Variants in ZRANB3 observed in about 807,000 individuals in gnomAD.
The protein encoded by ZRANB3 is DNA annealing helicase and endonuclease ZRANB3.
A neutral mutation model predicts 133.8 loss-of-function variants in ZRANB3; 125 were observed. The observed-to-expected ratio is 0.93, with a 90% CI of 0.81 to 1.08. ZRANB3 has a LOEUF of 1.08. Ranked by LOEUF, ZRANB3 falls within the 50% of genes least tolerant of loss-of-function variation. ZRANB3 has a pLI of 0.00. For synonymous variants in ZRANB3, 387 were observed against 432.7 expected (o/e 0.89, Z 1.31); for missense variants, 1,229 against 1,275.5 (o/e 0.96, Z 0.56).
intron 2 of ZRANB3, among the ~76,000 whole-genome samples, chr2:135,401,810 CTAT>C (rs1173712667): frequency 6.6e-6 from 1 of 152,026 alleles, no homozygotes; most frequent in Non-Finnish European, 1.5e-5. Flanking sequence ...TATATTTTAG[CTAT>C]TATTATGTGC....
chr2:135,275,080 C>T (rs1680727563), intron 9 of ZRANB3, among the ~76,000 whole-genome samples: 1 of 152,208 alleles, frequency 6.6e-6, no homozygotes, highest in African/African-American at 2.4e-5. Flanking sequence ...ACATTTCCCC[C>T]TTTTCTATTC....
intron 2 of ZRANB3, among the ~76,000 whole-genome samples, chr2:135,430,235 A>C (rs998195457): frequency 5.9e-5 from 9 of 152,120 alleles, no homozygotes; most frequent in Non-Finnish European, 5.9e-5. Flanking sequence ...AATAAATGCA[A>C]GGGTCTGGAA....
intron 2 of ZRANB3, among the ~76,000 whole-genome samples, chr2:135,394,580 A>G (rs1241288451): frequency 6.6e-6 from 1 of 152,164 alleles, no homozygotes; most frequent in East Asian, 1.9e-4. Flanking sequence ...GGAGGAGGAA[A>G]AGAGGAGATG....
chr2:135,386,651 G>A (rs1686988348), intron 3 of ZRANB3, among the ~76,000 whole-genome samples: 1 of 152,276 alleles, frequency 6.6e-6, no homozygotes, highest in African/African-American at 2.4e-5. Context: ...ACCATGGAAT[G>A]CTATGCAGCC....
chr2:135,222,234 C>G (rs1490992852), intron 15 of ZRANB3, among the ~76,000 whole-genome samples: 1 of 152,004 alleles, frequency 6.6e-6, no homozygotes, highest in East Asian at 1.9e-4. Context: ...GGAACCCTGT[C>G]TCTACTAAAA....
intron 8 of ZRANB3, among the ~76,000 whole-genome samples, chr2:135,304,246 C>T (rs780760168): frequency 1.6e-4 from 24 of 152,052 alleles, no homozygotes; most frequent in Non-Finnish European, 2.8e-4. Flanking sequence ...TTCATAAATG[C>T]CTTTTATTGT....
chr2:135,390,324 A>G (rs1412208642), intron 3 of ZRANB3, among the ~76,000 whole-genome samples: 1 of 152,216 alleles, frequency 6.6e-6, no homozygotes, highest in African/African-American at 2.4e-5. Context: ...CCTCCATTTC[A>G]GAGAGAAAAC....
chr2:135,454,483 T>C (rs1559010115), intron 2 of ZRANB3, among the ~76,000 whole-genome samples: 1 of 152,134 alleles, frequency 6.6e-6, no homozygotes, highest in Non-Finnish European at 1.5e-5. Context: ...TGATTTCTGG[T>C]TATATAGATT....
chr2:135,397,484 C>A (rs2104934372), intron 2 of ZRANB3, among the ~76,000 whole-genome samples: 1 of 151,500 alleles, frequency 6.6e-6, no homozygotes, highest in East Asian at 1.9e-4. Context: ...AAAGAAAAAC[C>A]TTTTATTTTC....
intron 3 of ZRANB3, among the ~76,000 whole-genome samples, chr2:135,376,902 A>G (rs570233020): frequency 1.1e-4 from 17 of 152,354 alleles, no homozygotes; most frequent in African/African-American, 3.4e-4. Context: ...AAAAGAATGT[A>G]TATGTATTAC....
At chr2:135,410,037 A>G (rs1243926331) in intron 2 of ZRANB3, among the ~76,000 whole-genome samples, 3 of 152,202 alleles carry the variant, frequency 2.0e-5, no homozygotes, top group East Asian at 1.9e-4. Flanking sequence ...CAAAGAATCA[A>G]TATCATTAAA....
intron 7 of ZRANB3, 85 bp downstream of exon 7, chr2:135,315,274 T>C (rs1392206519): frequency 2.4e-6 from 3 of 1,232,506 alleles, no homozygotes; most frequent in South Asian, 6.6e-5. Context: ...CCTTTCCTTC[T>C]GTGAAATATG....
chr2:135,483,298 T>C (rs1252578637), intron 2 of ZRANB3, among the ~76,000 whole-genome samples: 1 of 152,238 alleles, frequency 6.6e-6, no homozygotes, highest in Non-Finnish European at 1.5e-5. Flanking sequence ...TTTCAGATCC[T>C]GTTATTAGTC....
chr2:135,234,850 T>C (rs946985704), intron 12 of ZRANB3, among the ~76,000 whole-genome samples: 22 of 152,196 alleles, frequency 1.4e-4, no homozygotes, highest in African/African-American at 4.8e-4. Context: ...AGATCTAAAA[T>C]TGACACCCTA....
At chr2:135,236,539 T>C (rs1291752691) in intron 12 of ZRANB3, among the ~76,000 whole-genome samples, 1 of 152,140 alleles carries the variant, frequency 6.6e-6, no homozygotes, top group Non-Finnish European at 1.5e-5. Context: ...CTTCAAGCTA[T>C]ACTACAAAGC....
At chr2:135,224,675 C>T (rs530099829) in intron 14 of ZRANB3, among the ~76,000 whole-genome samples, 158 bp from the exon 15 acceptor site, 31 of 152,244 alleles carry the variant, frequency 2.0e-4, no homozygotes, top group South Asian at 4.2e-4. Flanking sequence ...AAAACTACCA[C>T]GGTAGGCCAT....
intron 12 of ZRANB3, among the ~76,000 whole-genome samples, chr2:135,248,330 G>A (rs1035444078): frequency 7.2e-5 from 11 of 152,136 alleles, no homozygotes. Context: ...AAGTATAAAA[G>A]CCCTGGGAGA....
chr2:135,275,732 A>C lies in ZRANB3; in HGVS notation c.990T>G (p.Ile330Met). 1 of 1,589,666 alleles carries C rather than the reference A, an allele frequency of 6.3e-7. No individual in the cohort carries two copies. Among genetic ancestry groups the C allele is most frequent in the African/African-American group, 1.3e-5 (1 of 74,464 alleles). The change falls in exon 9 of 21, where the codon ATT (isoleucine) becomes ATG (methionine). Residue 330 changes from isoleucine to methionine, a missense_variant. Coordinates refer to ENST00000264159, the MANE Select transcript of ZRANB3 (RefSeq NM_032143.4). Reference sequence around the variant, plus strand: ...GCGAATCATTCTGAAGCATCATCTTAATATAATCCTTTACAGCACCTGCCT... The same window carrying C: ...GCGAATCATTCTGAAGCATCATCTTCATATAATCCTTTACAGCACCTGCCT... ...IAKAGAVKDY[I>M]KMMLQNDSLK...
intron 11 of ZRANB3, among the ~76,000 whole-genome samples, chr2:135,266,236 G>T (rs142250280): frequency 6.6e-6 from 1 of 152,284 alleles, no homozygotes; most frequent in East Asian, 1.9e-4. Context: ...CATTAAAATA[G>T]AGATCTTAAG....
Sources: gnomAD v4.1 joint callset for allele counts (sites outside exome capture counted in the v4.1 genomes callset) on GRCh38, gnomAD v4.1.1 for gene constraint, MANE v1.5 for transcripts, NCBI Gene and HGNC (gene_info 2026-07-23, HGNC 2026-07-21) for gene names.